KANK1: variants seen among roughly 807,000 people sequenced by gnomAD.
The protein encoded by KANK1 is KN motif and ankyrin repeat domain-containing protein 1.
In KANK1, 109 loss-of-function variants were observed where a neutral mutation model predicts 106.2. The observed-to-expected ratio is 1.03, with a 90% CI of 0.88 to 1.20. KANK1 has a LOEUF of 1.20. KANK1 is among the 50% of genes most tolerant of loss of function. The pLI, the probability that KANK1 is intolerant of heterozygous loss-of-function variation, is 0.00. For synonymous variants in KANK1, 873 were observed against 652.2 expected (o/e 1.34, Z -5.16); for missense variants, 2,399 against 1,710.7 (o/e 1.40, Z -7.10).
chr9:580,290 G>A (rs1281210306), intron 1 of KANK1, among the ~76,000 whole-genome samples: 2 of 152,158 alleles, frequency 1.3e-5, no homozygotes, highest in African/African-American at 4.8e-5. Context: ...CCTTCCTGGT[G>A]TTACAGCTCA....
intron 1 of KANK1, among the ~76,000 whole-genome samples, chr9:669,526 T>C (rs1845430184): frequency 6.6e-6 from 1 of 151,226 alleles, no homozygotes; most frequent in Admixed American, 6.6e-5. Context: ...GGGTTTTTTC[T>C]TTCAGCACTT....
In KANK1 at chr9:711,212, A is replaced by C; in HGVS notation, c.446A>C (p.Lys149Thr). The change falls in exon 3 of 12, where the codon AAG becomes ACG. Residue 149 changes from lysine to threonine, a missense_variant. Lys to Thr is a moderately conservative substitution (Grantham distance 78). Coordinates refer to ENST00000382297, the MANE Select transcript of KANK1 (RefSeq NM_015158.5). ...CCACCTCCCTCACCACAACTCCCAA[A>C]GCATAACCTTCATGTCACCAAGACA... is the stretch of plus-strand genomic sequence containing the variant. ...QLPPPSPQLP[K>T]HNLHVTKTLM... The C allele has an allele frequency of 6.2e-7, 1 of 1,614,096 alleles. No homozygotes were observed. The highest frequency in any genetic ancestry group is 8.5e-7 in the Non-Finnish European group (1 of 1,180,016).
intron 1 of KANK1, among the ~76,000 whole-genome samples, chr9:556,587 C>T (rs2061597861): frequency 1.3e-5 from 2 of 152,186 alleles, no homozygotes; most frequent in African/African-American, 2.4e-5. Context: ...CTCATTACTT[C>T]ATTGATCCAA....
At position 612,113 on chromosome 9, in the gene KANK1, C is replaced by T. The variant is rs1416382575; in HGVS notation, c.-83-64777C>T. ...TTGCATAATGAACACACATATTACCCATAGTACCTCCCACACAAAGCCACC... is the reference window on the plus strand; with the variant it reads ...TTGCATAATGAACACACATATTACCTATAGTACCTCCCACACAAAGCCACC... On this transcript the variant is annotated intron_variant, in intron 1 of 11. Transcript: ENST00000382297. Among the ~76,000 whole-genome samples, 3 of 152,284 alleles carry T rather than the reference C, an allele frequency of 2.0e-5. No individual in the cohort carries two copies. In the East Asian group the frequency reaches 5.8e-4, roughly 29 times the overall value.
chr9:730,027 C>T, intron 3 of KANK1, 24 bp from the exon 4 acceptor site: 1 of 1,604,866 alleles, frequency 6.2e-7, no homozygotes, highest in Middle Eastern at 1.7e-4. Context: ...ATCACACACT[C>T]TGTACCTTTC....
At chr9:564,073 T>G (rs567635423) in intron 1 of KANK1, among the ~76,000 whole-genome samples, 1 of 151,722 alleles carries the variant, frequency 6.6e-6, no homozygotes, top group Non-Finnish European at 1.5e-5. Flanking sequence ...TTTTTTTTTT[T>G]TTTTGAGACA....
intron 10 of KANK1, among the ~76,000 whole-genome samples, chr9:743,842 A>G (rs1836408702): frequency 6.6e-6 from 1 of 152,240 alleles, no homozygotes; most frequent in African/African-American, 2.4e-5. Flanking sequence ...AGCCTGGGAG[A>G]CAAACCCTGT....
chr9:588,748 G>T (rs1340400796), intron 1 of KANK1, among the ~76,000 whole-genome samples: 3 of 152,108 alleles, frequency 2.0e-5, no homozygotes, highest in African/African-American at 7.2e-5. Context: ...GGACTGTAGA[G>T]TTAGATGCCT....
chr9:625,856 C>G (rs577924660), intron 1 of KANK1, among the ~76,000 whole-genome samples: 1 of 152,128 alleles, frequency 6.6e-6, no homozygotes, highest in East Asian at 1.9e-4. Context: ...GCCCATATCT[C>G]TCACCACTCG....
chr9:519,181 C>T (rs953795060), intron 1 of KANK1, among the ~76,000 whole-genome samples: 1 of 151,658 alleles, frequency 6.6e-6, no homozygotes, highest in African/African-American at 2.4e-5. Context: ...TGAGACACTG[C>T]GCCCAGTGTC....
chr9:658,174 G>A (rs893150366), intron 1 of KANK1, among the ~76,000 whole-genome samples: 5 of 152,124 alleles, frequency 3.3e-5, no homozygotes, highest in African/African-American at 9.7e-5. Context: ...TCCCCGTGAT[G>A]ATAAACAAAG....
At chr9:682,970 A>G (rs16922514) in intron 2 of KANK1, among the ~76,000 whole-genome samples, 30,750 of 152,094 alleles carry the variant, frequency 0.2, 4,879 homozygotes, top group East Asian at 0.55. Context: ...CTCTGAGCCC[A>G]CTGCGGTGAA....
intron 1 of KANK1, among the ~76,000 whole-genome samples, chr9:548,139 T>TACTAAAA (rs1417823937): frequency 2.0e-5 from 3 of 152,206 alleles, no homozygotes; most frequent in Non-Finnish European, 4.4e-5. Flanking sequence ...AAAAATTCCT[T>TACTAAAA]AGGATTTCTA....
chr9:710,731 A>C (rs1253545372), intron 2 of KANK1, 73 bp from the exon 3 acceptor site: 4 of 1,427,052 alleles, frequency 2.8e-6, no homozygotes, highest in Non-Finnish European at 3.8e-6. Flanking sequence ...CTGTACTGCA[A>C]CAAACACAAA....
chr9:561,215 A>C (rs1161304844), intron 1 of KANK1, among the ~76,000 whole-genome samples: 1 of 152,216 alleles, frequency 6.6e-6, no homozygotes, highest in East Asian at 1.9e-4. Flanking sequence ...ATGGGTAGAC[A>C]TAAGAAGGAT....
At chr9:611,473 C>T (rs1250059171) in intron 1 of KANK1, among the ~76,000 whole-genome samples, 1 of 152,168 alleles carries the variant, frequency 6.6e-6, no homozygotes, top group Non-Finnish European at 1.5e-5. Context: ...TCATGCTTTT[C>T]AGATGTGTCT....
chr9:523,385 C>G (rs1057407477), intron 1 of KANK1, among the ~76,000 whole-genome samples: 2 of 151,770 alleles, frequency 1.3e-5, no homozygotes, highest in Non-Finnish European at 2.9e-5. Context: ...CTCCCTCTTT[C>G]CACTGCCACC....
chr9:581,530 G>C (rs535087628), intron 1 of KANK1, among the ~76,000 whole-genome samples: 14 of 152,164 alleles, frequency 9.2e-5, no homozygotes, highest in African/African-American at 3.4e-4. Flanking sequence ...TTCTTCATTA[G>C]TGCACTTGCT....
intron 1 of KANK1, among the ~76,000 whole-genome samples, chr9:603,540 C>G (rs1300216219): frequency 6.6e-6 from 1 of 151,842 alleles, no homozygotes; most frequent in African/African-American, 2.4e-5. Context: ...GTAATTCTTA[C>G]TCTTAACAGT....
Sources: gnomAD v4.1 joint callset for allele counts (sites outside exome capture counted in the v4.1 genomes callset) on GRCh38, gnomAD v4.1.1 for gene constraint, MANE v1.5 for transcripts, NCBI Gene and HGNC (gene_info 2026-07-23, HGNC 2026-07-21) for gene names.